The following PHF24 variants were observed in gnomAD, a reference collection of about 807,000 sequenced individuals.
PHF24 encodes PHD finger protein 24, also known as Galpha inhibitory interacting protein.
Under a neutral mutation model 42.6 loss-of-function variants are expected in PHF24, and 25 were observed. The ratio of observed to expected loss-of-function variants is 0.59; its 90% CI spans 0.43 to 0.82. The LOEUF (loss-of-function observed/expected upper bound fraction) is 0.82. Among genes scored for constraint, PHF24 ranks in the 40% least tolerant of loss-of-function variants. The probability of loss-of-function intolerance (pLI) is 0.00; values close to 1 mark genes in which losing one functional copy is unlikely to be tolerated. For missense variants in PHF24, 470 were observed against 538.1 expected (o/e 0.87, Z 1.25); for synonymous variants, 185 against 204.8 (o/e 0.90, Z 0.83).
the PHF24 span, among the ~76,000 whole-genome samples, chr9:34,873,176 T>A: frequency 6.7e-6 from 1 of 149,792 alleles, no homozygotes; most frequent in Non-Finnish European, 1.5e-5. Flanking sequence ...CTGATGGTAG[T>A]TTCTTTTGCT....
At chr9:34,880,833 A>C in the PHF24 span, among the ~76,000 whole-genome samples, 1 of 152,180 alleles carries the variant, frequency 6.6e-6, no homozygotes, top group South Asian at 2.1e-4. Flanking sequence ...CCAGGAATTG[A>C]ACTCAGCTCT....
chr9:34,819,479 G>A, the PHF24 span, among the ~76,000 whole-genome samples: 143,536 of 152,226 alleles, frequency 0.94, 68,012 homozygotes, highest in Non-Finnish European at 0.99. Context: ...GCTACATACC[G>A]CAATTTTTGA....
chr9:34,847,659 G>A, the PHF24 span, among the ~76,000 whole-genome samples: 1 of 151,784 alleles, frequency 6.6e-6, no homozygotes, highest in Non-Finnish European at 1.5e-5. Context: ...TGGTGAGAGA[G>A]GGCATCCCTG....
At chr9:34,957,617 G>C (rs1383802303), upstream of PHF24, 1 of 152,258 alleles carries the variant, frequency 6.6e-6, no homozygotes. Context: ...CCAGAAAACA[G>C]CGCATAGGGT....
At chr9:34,868,765 T>C in the PHF24 span, among the ~76,000 whole-genome samples, 1 of 152,142 alleles carries the variant, frequency 6.6e-6, no homozygotes, top group East Asian at 1.9e-4. Flanking sequence ...TCTTTTTTTT[T>C]CCTTCAACTT....
At chr9:34,844,988 A>G in the PHF24 span, among the ~76,000 whole-genome samples, 2 of 152,102 alleles carry the variant, frequency 1.3e-5, no homozygotes, top group African/African-American at 4.8e-5. Flanking sequence ...TTTGCTTTAT[A>G]TATTTAGGTG....
At chr9:34,833,292 C>T in the PHF24 span, 24 of 1,551,228 alleles carry the variant, frequency 1.5e-5, no homozygotes, top group Non-Finnish European at 2.0e-5. Context: ...ATGTGGGCCT[C>T]TGTCATGTCC....
At chr9:34,853,096 G>A in the PHF24 span, among the ~76,000 whole-genome samples, 2 of 152,146 alleles carry the variant, frequency 1.3e-5, no homozygotes, top group Non-Finnish European at 2.9e-5. Context: ...TTGGCTGTGG[G>A]TTTGTCATAT....
chr9:34,882,405 A>C, the PHF24 span, among the ~76,000 whole-genome samples: 512 of 152,310 alleles, frequency 3.4e-3, 1 homozygote, highest in South Asian at 0.018. Context: ...TTCAATTAGG[A>C]AAAGAGGAAG....
the PHF24 span, among the ~76,000 whole-genome samples, chr9:34,865,592 A>T: frequency 1.7e-3 from 82 of 48,932 alleles, no homozygotes; most frequent in South Asian, 7.2e-3. Flanking sequence ...TAAAAATAAT[A>T]AAAAAAATAA....
the PHF24 span, among the ~76,000 whole-genome samples, chr9:34,884,391 TA>T: frequency 4.6e-5 from 7 of 152,214 alleles, no homozygotes; most frequent in Non-Finnish European, 8.8e-5. Context: ...AATAATTTTT[TA>T]AAAATAAGAC....
At chr9:34,949,586 C>T in the PHF24 span, among the ~76,000 whole-genome samples, 2 of 152,170 alleles carry the variant, frequency 1.3e-5, no homozygotes, top group African/African-American at 4.8e-5. Context: ...ATAGCAAAGA[C>T]TTGGAACCAA....
the PHF24 span, among the ~76,000 whole-genome samples, chr9:34,782,738 C>T: frequency 2.6e-5 from 4 of 152,128 alleles, no homozygotes; most frequent in Non-Finnish European, 4.4e-5. Flanking sequence ...AAGTCTTATG[C>T]AAAACAAACT....
chr9:34,795,989 G>C, the PHF24 span, among the ~76,000 whole-genome samples: 1 of 150,466 alleles, frequency 6.6e-6, no homozygotes, highest in Non-Finnish European at 1.5e-5. Context: ...GTGGCAGTGA[G>C]ACCCTGAAAA....
the PHF24 span, chr9:34,834,037 G>A: frequency 1.3e-6 from 2 of 1,549,324 alleles, no homozygotes; most frequent in South Asian, 2.4e-5. Flanking sequence ...GGTGTTCAGT[G>A]ACAGTACCTG....
chr9:34,790,481 A>G, the PHF24 span, among the ~76,000 whole-genome samples: 3 of 152,196 alleles, frequency 2.0e-5, no homozygotes, highest in African/African-American at 4.8e-5. Context: ...ACTTTCACAA[A>G]ACAATGCATA....
the PHF24 span, among the ~76,000 whole-genome samples, chr9:34,795,991 C>A: frequency 6.0e-5 from 9 of 149,160 alleles, no homozygotes; most frequent in South Asian, 1.7e-3. Flanking sequence ...GGCAGTGAGA[C>A]CCTGAAAAAA....
chr9:34,699,144 C>T, the PHF24 span, among the ~76,000 whole-genome samples: 12 of 152,198 alleles, frequency 7.9e-5, no homozygotes, highest in African/African-American at 2.9e-4. Context: ...GAGACCAGAC[C>T]TTAGAAGTTT....
the PHF24 span, among the ~76,000 whole-genome samples, chr9:34,814,938 G>A: frequency 2.0e-5 from 3 of 151,930 alleles, no homozygotes; most frequent in Non-Finnish European, 1.5e-5. Context: ...ACAGGGTTTC[G>A]CCATGTTGGC....
Sources: allele counts gnomAD v4.1 joint callset (sites outside exome capture counted in the v4.1 genomes callset), GRCh38; gene constraint gnomAD v4.1.1; transcripts MANE v1.5; gene names NCBI Gene and HGNC (gene_info 2026-07-23, HGNC 2026-07-21).